NRXN3: variants seen among roughly 807,000 people sequenced by gnomAD.
The protein encoded by NRXN3 is neurexin 3.
In NRXN3, 32 loss-of-function variants were observed where a neutral mutation model predicts 137.6. The observed-to-expected ratio is 0.23, with a 90% CI of 0.18 to 0.31. The LOEUF (loss-of-function observed/expected upper bound fraction) is 0.31, where lower values mean the gene tolerates loss of function less well. NRXN3 is among the 10% of genes least tolerant of loss of function. The pLI, the probability that NRXN3 is intolerant of heterozygous loss-of-function variation, is 1.00. For synonymous variants in NRXN3, 798 were observed against 784.5 expected (o/e 1.02, Z -0.29); for missense variants, 1,574 against 2,062.5 (o/e 0.76, Z 4.59).
At chr14:79,308,760 C>A (rs531632483) in intron 15 of NRXN3, among the ~76,000 whole-genome samples, 2 of 150,140 alleles carry the variant, frequency 1.3e-5, no homozygotes, top group South Asian at 4.2e-4. Context: ...TCACTAAGAA[C>A]GCAATTGAGA....
At chr14:78,211,433 C>G (rs940392246) in intron 1 of NRXN3, among the ~76,000 whole-genome samples, 1 of 152,234 alleles carries the variant, frequency 6.6e-6, no homozygotes, top group Non-Finnish European at 1.5e-5. Context: ...AGTTTCACCC[C>G]CTCCTCTGGT....
At chr14:79,426,418 G>C (rs2095655622) in intron 15 of NRXN3, among the ~76,000 whole-genome samples, 1 of 152,200 alleles carries the variant, frequency 6.6e-6, no homozygotes, top group Non-Finnish European at 1.5e-5. Flanking sequence ...CATTCAATCA[G>C]AGAAAGGCAA....
chr14:78,439,234 C>T (rs2094166450), intron 4 of NRXN3, among the ~76,000 whole-genome samples: 2 of 151,948 alleles, frequency 1.3e-5, no homozygotes, highest in Non-Finnish European at 2.9e-5. Context: ...TTGAAAAAAA[C>T]CAGGGTACCT....
chr14:78,926,670 A>G (rs1407763094), intron 10 of NRXN3, among the ~76,000 whole-genome samples: 2 of 103,090 alleles, frequency 1.9e-5, no homozygotes, highest in African/African-American at 7.1e-5. Context: ...TATTATATAT[A>G]TAATTATATA....
At chr14:79,798,740 G>A (rs1336805673) in intron 19 of NRXN3, among the ~76,000 whole-genome samples, 1 of 152,178 alleles carries the variant, frequency 6.6e-6, no homozygotes, top group Non-Finnish European at 1.5e-5. Context: ...GTTACAAAAG[G>A]CAGTTGGGCA....
At chr14:79,813,408 C>A (rs2099241674) in intron 20 of NRXN3, among the ~76,000 whole-genome samples, 1 of 151,934 alleles carries the variant, frequency 6.6e-6, no homozygotes, top group Non-Finnish European at 1.5e-5. Context: ...TCATCTTGTG[C>A]CGCATGAATT....
At chr14:79,199,252 C>T (rs1298127691) in intron 15 of NRXN3, among the ~76,000 whole-genome samples, 1 of 151,888 alleles carries the variant, frequency 6.6e-6, no homozygotes, top group African/African-American at 2.4e-5. Flanking sequence ...TTTCTACTTC[C>T]CTTCTTGTCT....
At chr14:79,254,518 T>C (rs1036561721) in intron 15 of NRXN3, among the ~76,000 whole-genome samples, 5 of 152,182 alleles carry the variant, frequency 3.3e-5, no homozygotes, top group African/African-American at 1.2e-4. Context: ...GGAGACATTG[T>C]ATTTCTAGTT....
chr14:79,168,338 G>T (rs375125886), intron 15 of NRXN3, among the ~76,000 whole-genome samples: 16 of 152,150 alleles, frequency 1.1e-4, no homozygotes, highest in Middle Eastern at 3.4e-3. Flanking sequence ...TTGGTTGTTA[G>T]AGGGAGATAG....
chr14:78,710,157 GA>G (rs1408984549), intron 7 of NRXN3, among the ~76,000 whole-genome samples: 1 of 152,192 alleles, frequency 6.6e-6, no homozygotes, highest in East Asian at 1.9e-4. Context: ...GACAAGAAAG[GA>G]AAAGGCAAAT....
At chr14:79,767,181 T>C (rs577535754) in intron 19 of NRXN3, among the ~76,000 whole-genome samples, 22 of 152,312 alleles carry the variant, frequency 1.4e-4, no homozygotes, top group Non-Finnish European at 2.5e-4. Context: ...GCCTCTGTAG[T>C]CTTATTCTTC....
At chr14:79,357,692 A>T (rs2093474952) in intron 15 of NRXN3, among the ~76,000 whole-genome samples, 1 of 152,152 alleles carries the variant, frequency 6.6e-6, no homozygotes. Context: ...TATTTCCAGG[A>T]TTTAAGAAAA....
chr14:78,320,848 T>C (rs554099754), intron 4 of NRXN3, among the ~76,000 whole-genome samples: 5 of 151,832 alleles, frequency 3.3e-5, no homozygotes, highest in Admixed American at 6.6e-5. Flanking sequence ...CTGGGTGCGG[T>C]GGCTCATGCC....
intron 15 of NRXN3, chr14:79,072,537 A>G (rs1047212147): frequency 3.3e-5 from 5 of 152,218 alleles, no homozygotes; most frequent in Non-Finnish European, 5.9e-5. Flanking sequence ...GGTATAGCAT[A>G]ACGGAGATAA....
chr14:79,061,317 C>T (rs2099673975), intron 15 of NRXN3, among the ~76,000 whole-genome samples: 1 of 152,042 alleles, frequency 6.6e-6, no homozygotes, highest in African/African-American at 2.4e-5. Flanking sequence ...AGCTGTAGAC[C>T]TTGGTGCTAT....
rs1401824339 is a variant in NRXN3 at position 79,577,728 on chromosome 14, C to A, written c.3445-86050C>A. On this transcript the variant is annotated intron_variant, in intron 16 of 20. Transcript: ENST00000335750. Reference sequence around the variant, plus strand: ...ATACTAAATGTGGCACATAGTAGAGCTCCATACATGTGTATTGAGTAATAA... The same window carrying A: ...ATACTAAATGTGGCACATAGTAGAGATCCATACATGTGTATTGAGTAATAA... 5.3e-5 allele frequency among the ~76,000 whole-genome samples: 8 copies of A among 152,180 alleles called. No individual in the cohort carries two copies. The South Asian group carries it at 1.7e-3, about 32-fold the overall frequency.
intron 16 of NRXN3, among the ~76,000 whole-genome samples, chr14:79,534,507 G>T (rs1301163107): frequency 6.6e-6 from 1 of 152,136 alleles, no homozygotes; most frequent in Non-Finnish European, 1.5e-5. Context: ...CTATTTGAAT[G>T]ACTTAACACA....
At chr14:79,750,831 C>A (rs1335909873) in intron 19 of NRXN3, among the ~76,000 whole-genome samples, 1 of 152,054 alleles carries the variant, frequency 6.6e-6, no homozygotes, top group Non-Finnish European at 1.5e-5. Flanking sequence ...ATAATTAAAA[C>A]CCCCCAAAAA....
At chr14:78,261,219 A>G (rs971256110) in intron 2 of NRXN3, among the ~76,000 whole-genome samples, 1 of 152,210 alleles carries the variant, frequency 6.6e-6, no homozygotes, top group African/African-American at 2.4e-5. Flanking sequence ...CGGCTGGCCC[A>G]GCTGGGGGGT....
Sources: allele counts gnomAD v4.1 joint callset (sites outside exome capture counted in the v4.1 genomes callset), GRCh38; gene constraint gnomAD v4.1.1; transcripts MANE v1.5; gene names NCBI Gene and HGNC (gene_info 2026-07-23, HGNC 2026-07-21).